The following MEMO1 variants were observed in gnomAD, a reference collection of about 807,000 sequenced individuals.
MEMO1 encodes the protein protein MEMO1.
Under a neutral mutation model 45.2 loss-of-function variants are expected in MEMO1, and 6 were observed. That is an observed-to-expected ratio of 0.13 (90% CI 0.07 to 0.26). The LOEUF (loss-of-function observed/expected upper bound fraction) is 0.26. Among genes scored for constraint, MEMO1 ranks in the 10% least tolerant of loss-of-function variants. The pLI is 1.00. For missense variants in MEMO1, 184 were observed against 370.5 expected (o/e 0.50, Z 4.13); for synonymous variants, 78 against 124.3 (o/e 0.63, Z 2.48).
intron 3 of MEMO1, 66 bp downstream of exon 3, chr2:31,943,236 G>A (rs56066305): frequency 4.6e-5 from 56 of 1,220,834 alleles, no homozygotes; most frequent in Non-Finnish European, 5.4e-5. Context: ...CTGTACTTCA[G>A]CCTGGGCGAC....
At chr2:31,948,709 G>A (rs1666461745) in intron 2 of MEMO1, among the ~76,000 whole-genome samples, 1 of 152,190 alleles carries the variant, frequency 6.6e-6, no homozygotes, top group Non-Finnish European at 1.5e-5. Flanking sequence ...GATCAGCTTG[G>A]CCAACGTGCC....
At chr2:31,999,185 C>A (rs1672965441) in intron 2 of MEMO1, among the ~76,000 whole-genome samples, 1 of 152,206 alleles carries the variant, frequency 6.6e-6, no homozygotes, top group Non-Finnish European at 1.5e-5. Context: ...AAGCCACTAT[C>A]ATCTCACAGT....
intron 2 of MEMO1, among the ~76,000 whole-genome samples, chr2:31,962,239 C>A (rs11884169): frequency 0.13 from 19,890 of 151,960 alleles, 1,470 homozygotes; most frequent in Middle Eastern, 0.2. Context: ...AACACAAAAA[C>A]TTGGCTGGGT....
At chr2:31,877,923 A>C (rs540906708) in intron 8 of MEMO1, among the ~76,000 whole-genome samples, 18 of 152,320 alleles carry the variant, frequency 1.2e-4, no homozygotes, top group African/African-American at 4.1e-4. Flanking sequence ...TGTATTGACC[A>C]CCTACTTATA....
intron 6 of MEMO1, among the ~76,000 whole-genome samples, chr2:31,906,661 T>C (rs534301830): frequency 6.6e-6 from 1 of 152,276 alleles, no homozygotes; most frequent in African/African-American, 2.4e-5. Context: ...TCATCACTCC[T>C]TCCTTTGCTA....
At chr2:31,960,920 C>A (rs939781685) in intron 2 of MEMO1, among the ~76,000 whole-genome samples, 3 of 152,004 alleles carry the variant, frequency 2.0e-5, no homozygotes, top group Admixed American at 2.0e-4. Context: ...TAACTGTCAT[C>A]CAGAAAAATT....
At chr2:31,933,344 AAAAAATT>A (rs1558514193) in intron 3 of MEMO1, among the ~76,000 whole-genome samples, 4 of 35,420 alleles carry the variant, frequency 1.1e-4, no homozygotes, top group African/African-American at 4.7e-4. Context: ...AAAAAAAAAA[AAAAAATT>A]TATATATATA....
intron 2 of MEMO1, among the ~76,000 whole-genome samples, chr2:31,997,680 TGTG>T (rs747388790): frequency 6.6e-6 from 1 of 152,074 alleles, no homozygotes; most frequent in Non-Finnish European, 1.5e-5. Context: ...GCTGGAATAA[TGTG>T]GTGAAAGGAA....
intron 2 of MEMO1, among the ~76,000 whole-genome samples, chr2:31,994,640 T>A (rs11893033): frequency 0.13 from 19,779 of 148,776 alleles, 1,395 homozygotes; most frequent in Middle Eastern, 0.27. Context: ...AAAAAAAAAA[T>A]AATAATAATA....
At chr2:31,962,723 T>A (rs571215318) in intron 2 of MEMO1, among the ~76,000 whole-genome samples, 1 of 152,194 alleles carries the variant, frequency 6.6e-6, no homozygotes, top group Non-Finnish European at 1.5e-5. Context: ...AGGGCATTCA[T>A]TGACTGACAA....
intron 4 of MEMO1, among the ~76,000 whole-genome samples, chr2:31,927,592 AAGG>A (rs912376349): frequency 3.3e-5 from 5 of 152,032 alleles, no homozygotes; most frequent in African/African-American, 1.2e-4. Flanking sequence ...CAAACATTAA[AAGG>A]AGATTTAATA....
At chr2:31,954,957 G>A (rs1010588731) in intron 2 of MEMO1, among the ~76,000 whole-genome samples, 1 of 151,950 alleles carries the variant, frequency 6.6e-6, no homozygotes, top group African/African-American at 2.4e-5. Context: ...GTTAAAATGT[G>A]AGACTGGGCG....
chr2:31,977,045 T>C (rs1487757508), intron 2 of MEMO1, among the ~76,000 whole-genome samples: 2 of 151,976 alleles, frequency 1.3e-5, no homozygotes, highest in East Asian at 3.8e-4. Flanking sequence ...TAATAAAGGA[T>C]TTAGAGTTCA....
At chr2:31,883,558 G>A in intron 7 of MEMO1, 96 bp from the exon 8 acceptor site, 5 of 827,468 alleles carry the variant, frequency 6.0e-6, no homozygotes, top group Non-Finnish European at 9.6e-6. Flanking sequence ...CTCATGAAAG[G>A]CAAAGCACAG....
intron 7 of MEMO1, among the ~76,000 whole-genome samples, chr2:31,886,512 A>C (rs1293803069): frequency 6.6e-6 from 1 of 152,174 alleles, no homozygotes; most frequent in East Asian, 1.9e-4. Context: ...GTGTCTCAAA[A>C]TTTTATTTAA....
chr2:31,871,618 T>G (rs772791310), intron 8 of MEMO1, among the ~76,000 whole-genome samples: 11 of 152,122 alleles, frequency 7.2e-5, no homozygotes, highest in Non-Finnish European at 1.0e-4. Context: ...AATCAGTTTG[T>G]AATGCTAAGT....
intron 2 of MEMO1, among the ~76,000 whole-genome samples, chr2:31,995,300 A>C (rs1672452366): frequency 6.6e-6 from 1 of 151,842 alleles, no homozygotes; most frequent in Non-Finnish European, 1.5e-5. Flanking sequence ...AAAAATACAA[A>C]AATTAGCCGG....
At chr2:31,989,304 T>C (rs1029307371) in intron 2 of MEMO1, among the ~76,000 whole-genome samples, 11 of 152,082 alleles carry the variant, frequency 7.2e-5, no homozygotes, top group African/African-American at 2.7e-4. Flanking sequence ...CCAACAATAT[T>C]TAAGCTTCGA....
chr2:31,926,784 T>C (rs1294520242), intron 4 of MEMO1, among the ~76,000 whole-genome samples: 2 of 150,854 alleles, frequency 1.3e-5, no homozygotes, highest in African/African-American at 2.4e-5. Context: ...GAGGTGGAGG[T>C]TGCAGTGAGC....
Sources: allele counts gnomAD v4.1 joint callset (sites outside exome capture counted in the v4.1 genomes callset), GRCh38; gene constraint gnomAD v4.1.1; transcripts MANE v1.5; gene names NCBI Gene and HGNC (gene_info 2026-07-23, HGNC 2026-07-21).